Variants in PHF20 observed in about 807,000 individuals in gnomAD.
The protein encoded by PHF20 is glioma-expressed antigen 2.
PHF20 carries 23 observed loss-of-function variants against 113.5 expected under a neutral mutation model. The observed-to-expected ratio is 0.20, with a 90% CI of 0.15 to 0.29. PHF20 has a LOEUF of 0.29. PHF20 is among the 10% of genes least tolerant of loss of function. The pLI, the probability that PHF20 is intolerant of heterozygous loss-of-function variation, is 1.00. For synonymous variants in PHF20, 434 were observed against 457.3 expected (o/e 0.95, Z 0.65); for missense variants, 943 against 1,219.6 (o/e 0.77, Z 3.38).
chr20:35,865,505 T>G (rs1412346666), intron 6 of PHF20, among the ~76,000 whole-genome samples: 2 of 110,328 alleles, frequency 1.8e-5, no homozygotes, highest in Middle Eastern at 4.9e-3. Flanking sequence ...GTGTTTTTTT[T>G]TTTTTTTTTT....
At chr20:35,930,084 C>A (rs2055723001) in intron 14 of PHF20, among the ~76,000 whole-genome samples, 1 of 152,078 alleles carries the variant, frequency 6.6e-6, no homozygotes, top group Non-Finnish European at 1.5e-5. Context: ...CCTAAGGAGC[C>A]CTGTAACAAA....
At chr20:35,898,063 A>T (rs556568208) in intron 9 of PHF20, among the ~76,000 whole-genome samples, 31 of 151,552 alleles carry the variant, frequency 2.0e-4, no homozygotes, top group African/African-American at 7.5e-4. Context: ...TTTAGTAGAG[A>T]TGGGGTTTCA....
Position 35,938,868 on chromosome 20 carries a change from G to A in PHF20, c.2472G>A (p.Leu824=). Residue 824 remains leucine (L), a synonymous_variant, in exon 16 of 18, where the codon CTG becomes CTA. Transcript: ENST00000374012. The part of the protein sequence containing the change: ...GAVEKPRPLA[L]PLPRSVEESY... ...TGGAGAAGCCCAGGCCCCTGGCCCTGCCCCTGCCGCGTTCTGTGGAGGAAT... is the reference window on the plus strand; with the variant it reads ...TGGAGAAGCCCAGGCCCCTGGCCCTACCCCTGCCGCGTTCTGTGGAGGAAT... 3.1e-6 allele frequency: 5 copies of A among 1,614,180 alleles called. No homozygotes were observed. Among genetic ancestry groups the A allele is most frequent in the Non-Finnish European group, 4.2e-6 (5 of 1,180,012 alleles).
At chr20:35,899,699 A>G in intron 10 of PHF20, 51 bp downstream of exon 10, 1 of 1,577,878 alleles carries the variant, frequency 6.3e-7, no homozygotes, top group Non-Finnish European at 8.7e-7. Flanking sequence ...TTGCTTGGCC[A>G]CAGTGCTTGT....
chr20:35,855,202 A>G, intron 4 of PHF20: 2 of 1,245,648 alleles, frequency 1.6e-6, no homozygotes, highest in South Asian at 2.6e-5. Flanking sequence ...GGTTCTGTTT[A>G]GAATTCCATA....
chr20:35,897,800 C>T (rs6121083), intron 9 of PHF20, among the ~76,000 whole-genome samples: 2 of 151,820 alleles, frequency 1.3e-5, no homozygotes, highest in Non-Finnish European at 2.9e-5. Context: ...ATCTCCTGAC[C>T]TTGTGATCTG....
At chr20:35,849,271 G>A (rs770163915) in intron 4 of PHF20, 9 of 359,934 alleles carry the variant, frequency 2.5e-5, no homozygotes, top group Non-Finnish European at 5.0e-5. Flanking sequence ...ATTCAGAGAT[G>A]AAGATAATTA....
intron 12 of PHF20, among the ~76,000 whole-genome samples, chr20:35,914,994 A>T (rs1430435914): frequency 1.4e-5 from 2 of 148,134 alleles, no homozygotes; most frequent in Admixed American, 1.4e-4. Flanking sequence ...AAAATATGTT[A>T]TATATATACA....
At chr20:35,811,512 G>A (rs567336663) in intron 2 of PHF20, among the ~76,000 whole-genome samples, 17 of 148,994 alleles carry the variant, frequency 1.1e-4, no homozygotes, top group Admixed American at 8.8e-4. Flanking sequence ...GCACAATCTC[G>A]GCTCACTGCA....
intron 15 of PHF20, among the ~76,000 whole-genome samples, chr20:35,934,536 T>A (rs2055826697): frequency 6.6e-6 from 1 of 152,260 alleles, no homozygotes; most frequent in Admixed American, 6.5e-5. Flanking sequence ...CCTTTTGTCT[T>A]ATTGCTCTGG....
intron 13 of PHF20, among the ~76,000 whole-genome samples, chr20:35,925,929 T>TGGCTAACCG (rs1373695398): frequency 6.6e-6 from 1 of 151,724 alleles, no homozygotes; most frequent in African/African-American, 2.4e-5. Flanking sequence ...GAGACCATTC[T>TGGCTAACCG]GGCTAACACG....
intron 2 of PHF20, among the ~76,000 whole-genome samples, chr20:35,835,703 G>A (rs911272562): frequency 2.6e-5 from 4 of 152,204 alleles, no homozygotes; most frequent in African/African-American, 9.6e-5. Flanking sequence ...GCTGAGGTGG[G>A]TAGATCACTT....
intron 2 of PHF20, among the ~76,000 whole-genome samples, chr20:35,832,775 T>A (rs1387935923): frequency 2.0e-5 from 3 of 152,110 alleles, no homozygotes; most frequent in Non-Finnish European, 2.9e-5. Context: ...TCTGGCCAGA[T>A]GTGGTGGCTC....
chr20:35,926,567 T>G (rs2055643296), intron 13 of PHF20, among the ~76,000 whole-genome samples: 1 of 151,950 alleles, frequency 6.6e-6, no homozygotes, highest in African/African-American at 2.4e-5. Context: ...ATTGTTAGTC[T>G]GTTTTCTGCT....
At chr20:35,861,146 A>G (rs1246208533) in intron 5 of PHF20, among the ~76,000 whole-genome samples, 3 of 151,168 alleles carry the variant, frequency 2.0e-5, no homozygotes. Flanking sequence ...ATTGGAATAG[A>G]TTGAGTTTTT....
At chr20:35,871,509 G>T in intron 8 of PHF20, 141 bp from the exon 9 acceptor site, 1 of 651,396 alleles carries the variant, frequency 1.5e-6, no homozygotes, top group South Asian at 2.6e-5. Context: ...GTATGTATGG[G>T]AACCTGTGAA....
chr20:35,844,557 AC>A (rs2042589854), intron 3 of PHF20, among the ~76,000 whole-genome samples: 2 of 145,942 alleles, frequency 1.4e-5, no homozygotes, highest in South Asian at 2.2e-4. Flanking sequence ...ACACACACAC[AC>A]ACACACACAC....
At chr20:35,810,975 G>GTCTC (rs1224606700) in intron 2 of PHF20, among the ~76,000 whole-genome samples, 25 of 152,212 alleles carry the variant, frequency 1.6e-4, no homozygotes, top group Non-Finnish European at 1.5e-5. Flanking sequence ...GTGTGTCTGT[G>GTCTC]TCTCTCTGTG....
At chr20:35,786,050 A>C (rs570416868) in intron 1 of PHF20, among the ~76,000 whole-genome samples, 104 of 150,772 alleles carry the variant, frequency 6.9e-4, no homozygotes, top group African/African-American at 2.4e-3. Flanking sequence ...AAAAAACAAA[A>C]AAAAAAACAA....
Sources: allele counts gnomAD v4.1 joint callset (sites outside exome capture counted in the v4.1 genomes callset), GRCh38; gene constraint gnomAD v4.1.1; transcripts MANE v1.5; gene names NCBI Gene and HGNC (gene_info 2026-07-23, HGNC 2026-07-21).